GPR158: variants seen among roughly 807,000 people sequenced by gnomAD.
GPR158 encodes the protein metabotropic glycine receptor.
GPR158 carries 30 observed loss-of-function variants against 78.2 expected under a neutral mutation model. That is an observed-to-expected ratio of 0.38 (90% confidence interval 0.29 to 0.52). The LOEUF (loss-of-function observed/expected upper bound fraction) is 0.52. GPR158 is among the 20% of genes least tolerant of loss of function. The probability of loss-of-function intolerance (pLI) is 0.83; values close to 1 mark genes in which losing one functional copy is unlikely to be tolerated. For missense variants in GPR158, 1,463 were observed against 1,523.5 expected (o/e 0.96, Z 0.66); for synonymous variants, 581 against 591.1 (o/e 0.98, Z 0.25).
At chr10:25,239,014 A>C (rs1484783758) in intron 2 of GPR158, among the ~76,000 whole-genome samples, 1 of 152,170 alleles carries the variant, frequency 6.6e-6, no homozygotes, top group Non-Finnish European at 1.5e-5. Context: ...AACTGGAAAG[A>C]TTATCTTCTG....
chr10:25,467,142 G>A (rs1835436374), intron 5 of GPR158, among the ~76,000 whole-genome samples: 1 of 152,182 alleles, frequency 6.6e-6, no homozygotes, highest in South Asian at 2.1e-4. Flanking sequence ...ACAATTTGAA[G>A]TGTGGGGGAC....
chr10:25,378,216 T>C (rs945572074), intron 2 of GPR158, among the ~76,000 whole-genome samples: 1 of 152,184 alleles, frequency 6.6e-6, no homozygotes, highest in South Asian at 2.1e-4. Context: ...TCAATTTTGC[T>C]CTTTCAATCA....
At chr10:25,415,861 G>A (rs1365967567) in intron 4 of GPR158, among the ~76,000 whole-genome samples, 1 of 152,034 alleles carries the variant, frequency 6.6e-6, no homozygotes, top group Non-Finnish European at 1.5e-5. Context: ...AGAATGGGGA[G>A]TTACCACTAA....
At chr10:25,246,720 A>G (rs959318685) in intron 2 of GPR158, among the ~76,000 whole-genome samples, 1 of 152,186 alleles carries the variant, frequency 6.6e-6, no homozygotes. Flanking sequence ...CTTTTAAAGC[A>G]ATTAATAATG....
rs562880654 is a variant in GPR158 at position 25,291,401 on chromosome 10, T to C, written c.1008+70244T>C. Among the ~76,000 whole-genome samples, 8 of 152,124 alleles carry C rather than the reference T, an allele frequency of 5.3e-5. No individual in the cohort carries two copies. The South Asian group carries it at 1.7e-3, about 31-fold the overall frequency. On this transcript the variant is annotated intron_variant, in intron 2 of 10. Transcript: ENST00000376351. ...AAACATATCAGTTGTTTAGGAGAAG[T>C]AACAAATATTTTTAATCCTGAAACC... is the stretch of plus-strand genomic sequence containing the variant.
intron 5 of GPR158, among the ~76,000 whole-genome samples, chr10:25,480,151 T>C (rs1315785943): frequency 6.6e-6 from 1 of 152,220 alleles, no homozygotes; most frequent in African/African-American, 2.4e-5. Context: ...ATGTTTTGTA[T>C]AATTTCTTTG....
intron 2 of GPR158, among the ~76,000 whole-genome samples, chr10:25,247,459 TC>T (rs1040482979): frequency 1.2e-5 from 1 of 84,272 alleles, no homozygotes; most frequent in African/African-American, 4.7e-5. Flanking sequence ...ATGCTATCCC[TC>T]CCCCCTCCCC....
chr10:25,374,881 G>A (rs570472146), intron 2 of GPR158, among the ~76,000 whole-genome samples: 1 of 151,624 alleles, frequency 6.6e-6, no homozygotes, highest in Non-Finnish European at 1.5e-5. Flanking sequence ...TGTGAACAAA[G>A]TTAACTTTTT....
chr10:25,497,248 G>T (rs3886351), intron 5 of GPR158, among the ~76,000 whole-genome samples: 32,882 of 152,068 alleles, frequency 0.22, 6,457 homozygotes, highest in African/African-American at 0.52. Context: ...GATGCTCTTT[G>T]AATAAAGTGT....
chr10:25,314,605 C>A (rs1247832555), intron 2 of GPR158, among the ~76,000 whole-genome samples: 1 of 149,024 alleles, frequency 6.7e-6, no homozygotes, highest in Admixed American at 6.7e-5. Context: ...TTTATGCTTA[C>A]TTTTGTTATT....
At chr10:25,188,588 A>G (rs1208329480) in intron 1 of GPR158, among the ~76,000 whole-genome samples, 1 of 152,222 alleles carries the variant, frequency 6.6e-6, no homozygotes. Context: ...ATACATAGAA[A>G]GCTGAAACTG....
chr10:25,367,233 A>G (rs1855737238), intron 2 of GPR158, among the ~76,000 whole-genome samples: 1 of 151,696 alleles, frequency 6.6e-6, no homozygotes, highest in Admixed American at 6.6e-5. Flanking sequence ...GGGACCTAGC[A>G]TCATATACTG....
chr10:25,598,078 C>G lies in GPR158; in HGVS notation c.2452C>G (p.His818Asp), dbSNP rs1837435428. The change falls in exon 11 of 11, where the codon CAC becomes GAC. Residue 818 changes from histidine (H) to aspartate (D), a missense_variant. Physicochemically the swap from His to Asp is moderately conservative, Grantham distance 81. Coordinates refer to ENST00000376351, the MANE Select transcript of GPR158 (RefSeq NM_020752.3). ...KNRVFSLKKS[H>D]STYDHVRDQT... is the part of the protein sequence containing the mutation. ...CCGAGTCTTCTCACTCAAGAAATCCCACAGCACTTATGACCACGTGAGAGA... is the reference window on the plus strand; with the variant it reads ...CCGAGTCTTCTCACTCAAGAAATCCGACAGCACTTATGACCACGTGAGAGA... 1.9e-6 allele frequency: 3 copies of G among 1,613,904 alleles called. No individual in the cohort carries two copies. The African/African-American group carries it at 4.0e-5, about 22-fold the overall frequency.
chr10:25,457,119 C>G (rs905423078), intron 4 of GPR158, among the ~76,000 whole-genome samples: 2 of 137,878 alleles, frequency 1.5e-5, no homozygotes, highest in South Asian at 4.3e-4. Context: ...ATTACAGGTG[C>G]CTGCCAGCCA....
chr10:25,368,440 T>A (rs1357746733), intron 2 of GPR158, among the ~76,000 whole-genome samples: 1 of 151,824 alleles, frequency 6.6e-6, no homozygotes, highest in Non-Finnish European at 1.5e-5. Context: ...GAATAAACAC[T>A]TTTCAAAAGA....
chr10:25,433,570 T>TGTGTGTGTGCGC lies in GPR158; in HGVS notation c.1335+21098_1335+21099insTGTGTGTGCGCG, dbSNP rs1554803626. ...TGTTGTGTGTGTGTGTGTGTGTGTG[T>TGTGTGTGTGCGC]GCGCGCGCGCGTGCGCGTGCGCATA... On this transcript the variant is annotated intron_variant, in intron 4 of 10. Transcript: ENST00000376351. Among the ~76,000 whole-genome samples, 543 of 128,694 alleles carry TGTGTGTGTGCGC rather than the reference T, an allele frequency of 4.2e-3. 5 individuals are homozygous for TGTGTGTGTGCGC. The highest frequency in any genetic ancestry group is 5.3e-3 in the Non-Finnish European group (318 of 59,500). The allele number at this position is 128,694 out of a possible 152,430, so 84.4% of individuals were successfully genotyped here.
intron 2 of GPR158, chr10:25,244,607 T>C (rs1416995): frequency 0.2 from 30,670 of 151,980 alleles, 4,955 homozygotes; most frequent in African/African-American, 0.44. Context: ...AGTGCAGACC[T>C]CAAAGCAGGT....
At chr10:25,475,758 G>C (rs1295545569) in intron 5 of GPR158, 6 of 152,030 alleles carry the variant, frequency 3.9e-5, no homozygotes, top group Non-Finnish European at 8.8e-5. Flanking sequence ...GGCTATACTA[G>C]AATTGTTCAT....
At chr10:25,405,975 A>T (rs1256197796) in intron 3 of GPR158, among the ~76,000 whole-genome samples, 1 of 152,064 alleles carries the variant, frequency 6.6e-6, no homozygotes, top group Non-Finnish European at 1.5e-5. Flanking sequence ...TTCAAATTCT[A>T]TTCTATATGA....
Sources: gnomAD v4.1 joint callset for allele counts (sites outside exome capture counted in the v4.1 genomes callset) on GRCh38, gnomAD v4.1.1 for gene constraint, MANE v1.5 for transcripts, NCBI Gene and HGNC (gene_info 2026-07-23, HGNC 2026-07-21) for gene names.